PIBF1: variants seen among roughly 807,000 people sequenced by gnomAD.
PIBF1 encodes progesterone-induced-blocking factor 1.
Under a neutral mutation model 112.5 loss-of-function variants are expected in PIBF1, and 90 were observed. That is an observed-to-expected ratio of 0.80 (90% CI 0.67 to 0.95). The LOEUF is 0.95. PIBF1 is among the 40% of genes least tolerant of loss of function. The probability of loss-of-function intolerance (pLI) is 0.00; values close to 1 mark genes in which losing one functional copy is unlikely to be tolerated. For missense variants in PIBF1, 915 were observed against 852.3 expected, an observed-to-expected ratio of 1.07 and a Z score of -0.92; for synonymous variants, 301 against 288.6, an observed-to-expected ratio of 1.04 and a Z score of -0.44.
intron 11 of PIBF1, among the ~76,000 whole-genome samples, chr13:72,894,550 A>G (rs2040189536): frequency 6.6e-6 from 1 of 151,824 alleles, no homozygotes; most frequent in South Asian, 2.1e-4. Flanking sequence ...AAAGCCCCAA[A>G]ACATATTTAC....
At chr13:72,944,332 A>G (rs1220392816) in intron 14 of PIBF1, among the ~76,000 whole-genome samples, 1 of 152,034 alleles carries the variant, frequency 6.6e-6, no homozygotes, top group Non-Finnish European at 1.5e-5. Context: ...CTGTAATCCC[A>G]GCTACTTGGG....
At position 72,965,085 on chromosome 13, in the gene PIBF1, T is replaced by C. The variant is rs530193844; in HGVS notation, c.1834-189T>C. 3.9e-5 allele frequency among the ~76,000 whole-genome samples: 6 copies of C among 152,220 alleles called. No individual in the cohort carries two copies. In the East Asian group the frequency reaches 7.7e-4, roughly 20 times the overall value. Reference sequence around the variant, plus strand: ...AAAAAAAAGAAAACAAAAAAAATTATTGTTTATAGTTGCTATTAAGAATAG... The same window carrying C: ...AAAAAAAAGAAAACAAAAAAAATTACTGTTTATAGTTGCTATTAAGAATAG... On this transcript the variant is annotated intron_variant, in intron 14 of 17. Coordinates refer to ENST00000326291, the MANE Select transcript of PIBF1 (RefSeq NM_006346.4).
intron 16 of PIBF1, among the ~76,000 whole-genome samples, chr13:72,987,188 G>A (rs1303885456): frequency 6.6e-6 from 1 of 152,058 alleles, no homozygotes; most frequent in Non-Finnish European, 1.5e-5. Flanking sequence ...TGAAAGATAA[G>A]AAATTCAAAG....
intron 14 of PIBF1, among the ~76,000 whole-genome samples, chr13:72,937,921 T>C (rs1189309898): frequency 2.0e-5 from 3 of 152,230 alleles, no homozygotes; most frequent in Non-Finnish European, 2.9e-5. Flanking sequence ...TTGTGCTCTT[T>C]ATTCCTTTTT....
chr13:72,824,056 C>T (rs2036686340), intron 6 of PIBF1, among the ~76,000 whole-genome samples: 1 of 152,132 alleles, frequency 6.6e-6, no homozygotes, highest in African/African-American at 2.4e-5. Flanking sequence ...CTTTGTCACC[C>T]AGGCTGGAGT....
chr13:72,894,775 G>A (rs1003782329), intron 11 of PIBF1, among the ~76,000 whole-genome samples: 14 of 68,972 alleles, frequency 2.0e-4, no homozygotes, highest in African/African-American at 5.0e-4. Context: ...TATATATAGT[G>A]TGTGTGTGTG....
At chr13:72,844,756 C>CACACACGGATGAAGTCTTACTGTTT (rs1555296161) in intron 9 of PIBF1, among the ~76,000 whole-genome samples, 1,343 of 115,216 alleles carry the variant, frequency 0.012, 51 homozygotes, top group Middle Eastern at 0.018. Context: ...CACACACACA[C>CACACACGGATGAAGTCTTACTGTTT]ACACACACAC....
At chr13:72,896,712 A>G (rs1163450342) in intron 11 of PIBF1, among the ~76,000 whole-genome samples, 1 of 152,188 alleles carries the variant, frequency 6.6e-6, no homozygotes, top group Non-Finnish European at 1.5e-5. Flanking sequence ...GAGCTTGAAG[A>G]CAAGGTCTTC....
chr13:72,826,108 T>A (rs1201232113), intron 6 of PIBF1, among the ~76,000 whole-genome samples: 1 of 151,426 alleles, frequency 6.6e-6, no homozygotes, highest in South Asian at 2.1e-4. Flanking sequence ...AAATAAAATT[T>A]AAAAATTTTT....
chr13:72,944,446 T>A (rs1358041670), intron 14 of PIBF1, among the ~76,000 whole-genome samples: 3 of 141,672 alleles, frequency 2.1e-5, no homozygotes, highest in Admixed American at 7.1e-5. Context: ...CAAGACTGTC[T>A]AAAAAAAAAA....
At position 72,893,932 on chromosome 13, in the gene PIBF1, T is replaced by G; in HGVS notation, c.1471T>G (p.Tyr491Asp). The G allele has an allele frequency of 6.3e-7, 1 of 1,597,056 alleles. No individual in the cohort carries two copies. ...ACAGTGTCAATTGGAATGTGAAAAA[T>G]ATCAGAAAAAATTGGAGGTACATGT... The part of the protein sequence containing the change: ...LTQCQLECEK[Y>D]QKKLEVLTKE... The change falls in exon 11 of 18, where the codon TAT becomes GAT. Residue 491 changes from tyrosine (Y) to aspartate (D), a missense_variant. Tyr to Asp is a radical substitution (Grantham distance 160). Coordinates refer to ENST00000326291, the MANE Select transcript of PIBF1 (RefSeq NM_006346.4).
intron 1 of PIBF1, 33 bp downstream of exon 1, chr13:72,782,382 C>G (rs1232810985): frequency 6.6e-6 from 1 of 152,354 alleles, no homozygotes; most frequent in African/African-American, 2.4e-5. Flanking sequence ...TTCTTTCCCG[C>G]GTGGGGCAAG....
At chr13:72,804,124 T>G (rs772093069) in intron 5 of PIBF1, among the ~76,000 whole-genome samples, 11 of 152,046 alleles carry the variant, frequency 7.2e-5, no homozygotes, top group Admixed American at 2.0e-4. Flanking sequence ...AGCAAGAAAA[T>G]TTCGACTTTT....
At chr13:72,920,763 A>G (rs993798244) in intron 13 of PIBF1, among the ~76,000 whole-genome samples, 11 of 151,942 alleles carry the variant, frequency 7.2e-5, no homozygotes, top group Non-Finnish European at 1.3e-4. Flanking sequence ...TAGTCACTGC[A>G]CTCCAGTCTG....
intron 9 of PIBF1, among the ~76,000 whole-genome samples, chr13:72,844,750 C>CACACACACACGGATGAAGTCTTACTGTTT (rs1566348212): frequency 6.7e-4 from 59 of 87,552 alleles, no homozygotes; most frequent in African/African-American, 2.7e-3. Flanking sequence ...CACACACACA[C>CACACACACACGGATGAAGTCTTACTGTTT]ACACACACAC....
chr13:72,890,557 C>T (rs1048557137), intron 10 of PIBF1, among the ~76,000 whole-genome samples: 5 of 151,950 alleles, frequency 3.3e-5, no homozygotes, highest in Non-Finnish European at 5.9e-5. Context: ...AATTTTAGGC[C>T]TGGGGATGAG....
At chr13:72,905,202 G>A (rs558143252) in intron 11 of PIBF1, among the ~76,000 whole-genome samples, 1 of 151,920 alleles carries the variant, frequency 6.6e-6, no homozygotes, top group South Asian at 2.1e-4. Flanking sequence ...TGAGTAGCTG[G>A]GATTACATGC....
chr13:72,895,271 TAAATTCATA>T (rs1313363261), intron 11 of PIBF1, among the ~76,000 whole-genome samples: 3 of 150,758 alleles, frequency 2.0e-5, no homozygotes, highest in African/African-American at 7.3e-5. Context: ...TTAAAATTCA[TAAATTCATA>T]AAATTCATAA....
At chr13:72,817,029 G>C (rs894863691) in intron 5 of PIBF1, among the ~76,000 whole-genome samples, 1 of 152,112 alleles carries the variant, frequency 6.6e-6, no homozygotes, top group African/African-American at 2.4e-5. Context: ...AAACTTGTGG[G>C]AATTCTGACA....
Sources: gnomAD v4.1 joint callset for allele counts (sites outside exome capture counted in the v4.1 genomes callset) on GRCh38, gnomAD v4.1.1 for gene constraint, MANE v1.5 for transcripts, NCBI Gene and HGNC (gene_info 2026-07-23, HGNC 2026-07-21) for gene names.